Variants in EYS observed in about 807,000 individuals in gnomAD.
EYS encodes EGF-like photoreceptor maintenance factor.
In EYS, 250 loss-of-function variants were observed where a neutral mutation model predicts 282.1. That is an observed-to-expected ratio of 0.89 (90% confidence interval 0.80 to 0.98). The LOEUF (loss-of-function observed/expected upper bound fraction) is 0.98, where lower values mean the gene tolerates loss of function less well. Ranked by LOEUF, EYS falls within the 50% of genes least tolerant of loss-of-function variation. The probability of loss-of-function intolerance (pLI) is 0.00; values close to 1 mark genes in which losing one functional copy is unlikely to be tolerated. For synonymous variants in EYS, 1,355 were observed against 1,282.9 expected, an observed-to-expected ratio of 1.06 and a Z score of -1.20; for missense variants, 4,016 against 3,709.0, an observed-to-expected ratio of 1.08 and a Z score of -2.15.
chr6:65,010,472 G>C (rs901565571), intron 13 of EYS, among the ~76,000 whole-genome samples: 1 of 152,208 alleles, frequency 6.6e-6, no homozygotes, highest in East Asian at 1.9e-4. Context: ...AGACAATGAA[G>C]AAAAGATAGA....
At chr6:65,519,304 G>C (rs542210780) in intron 2 of EYS, among the ~76,000 whole-genome samples, 1 of 151,972 alleles carries the variant, frequency 6.6e-6, no homozygotes, top group Admixed American at 6.6e-5. Flanking sequence ...GTGTGTGTGT[G>C]TGTGGCGGTG....
intron 9 of EYS, among the ~76,000 whole-genome samples, chr6:65,350,439 A>G (rs1489949042): frequency 1.3e-5 from 2 of 151,700 alleles, no homozygotes; most frequent in South Asian, 2.1e-4. Context: ...TTTGTTTGCA[A>G]TATCAACTCA....
chr6:64,262,188 T>A (rs995484339), intron 30 of EYS, among the ~76,000 whole-genome samples: 2 of 152,084 alleles, frequency 1.3e-5, no homozygotes, highest in African/African-American at 2.4e-5. Context: ...CATATAACAC[T>A]TCTTCCTTTA....
intron 22 of EYS, among the ~76,000 whole-genome samples, chr6:64,680,517 C>G (rs888008580): frequency 2.0e-5 from 3 of 152,184 alleles, no homozygotes; most frequent in Non-Finnish European, 2.9e-5. Flanking sequence ...AGCTAACTCT[C>G]TTCTCAACTC....
intron 2 of EYS, among the ~76,000 whole-genome samples, chr6:65,630,686 C>T (rs10944828): frequency 0.36 from 54,118 of 152,090 alleles, 12,021 homozygotes; most frequent in Non-Finnish European, 0.49. Flanking sequence ...AAGCACATCA[C>T]AGTGTCATTG....
intron 31 of EYS, among the ~76,000 whole-genome samples, chr6:64,211,989 G>A (rs1765794826): frequency 6.6e-6 from 1 of 151,942 alleles, no homozygotes; most frequent in African/African-American, 2.4e-5. Flanking sequence ...GGTGGCATGT[G>A]CCTGTAATCC....
Position 64,535,924 on chromosome 6 carries a change from T to C in EYS, c.5644+54299A>G, listed in dbSNP as rs558719140. On this transcript the variant is annotated intron_variant, in intron 26 of 42. Coordinates refer to ENST00000503581, the MANE Select transcript of EYS (RefSeq NM_001142800.2). Reference sequence around the variant, plus strand: ...TTGATATAAAATATCATCTTAACCTTAGATTAAGACTTGCATTATTATATT... The same window carrying C: ...TTGATATAAAATATCATCTTAACCTCAGATTAAGACTTGCATTATTATATT... Among the ~76,000 whole-genome samples the C allele has an allele frequency of 2.6e-5, 4 of 152,272 alleles. No individual in the cohort carries two copies. In the East Asian group the frequency reaches 7.7e-4, roughly 29 times the overall value.
At chr6:63,761,144 G>T (rs1314393515) in intron 41 of EYS, among the ~76,000 whole-genome samples, 1 of 151,582 alleles carries the variant, frequency 6.6e-6, no homozygotes, top group Non-Finnish European at 1.5e-5. Flanking sequence ...ATCAGGAAAG[G>T]CTTCCCTAAA....
intron 5 of EYS, among the ~76,000 whole-genome samples, chr6:65,473,951 T>G (rs1765308728): frequency 6.6e-6 from 1 of 151,994 alleles, no homozygotes; most frequent in Non-Finnish European, 1.5e-5. Context: ...CTTGGGACTT[T>G]TGTGGATGAG....
At chr6:64,079,518 C>T (rs75801437) in intron 32 of EYS, among the ~76,000 whole-genome samples, 8,262 of 152,002 alleles carry the variant, frequency 0.054, 265 homozygotes, top group African/African-American at 0.087. Flanking sequence ...AGGAGCAAAT[C>T]GTTTGGGAAA....
chr6:65,089,646 T>C (rs138647626), intron 12 of EYS, among the ~76,000 whole-genome samples: 1 of 152,004 alleles, frequency 6.6e-6, no homozygotes, highest in East Asian at 1.9e-4. Flanking sequence ...GAGTTAATGC[T>C]GCAATGAGCT....
At chr6:64,397,294 G>A (rs541912633) in intron 28 of EYS, among the ~76,000 whole-genome samples, 7 of 151,870 alleles carry the variant, frequency 4.6e-5, no homozygotes, top group Non-Finnish European at 1.5e-5. Context: ...ATTTCAATCC[G>A]TGTACTGCTC....
chr6:64,275,798 AT>A (rs201281555), intron 30 of EYS, among the ~76,000 whole-genome samples: 57 of 77,482 alleles, frequency 7.4e-4, no homozygotes, highest in South Asian at 1.9e-3. Flanking sequence ...TACTAAAAAA[AT>A]AAAATAAAAT....
At chr6:65,175,908 G>A (rs1032979772) in intron 12 of EYS, among the ~76,000 whole-genome samples, 4 of 151,472 alleles carry the variant, frequency 2.6e-5, no homozygotes, top group Non-Finnish European at 5.9e-5. Context: ...AAATGCCAAT[G>A]AGATGTTTAT....
chr6:64,212,923 G>A (rs1290042301), intron 31 of EYS, among the ~76,000 whole-genome samples: 1 of 152,134 alleles, frequency 6.6e-6, no homozygotes. Flanking sequence ...GAAATACTAT[G>A]TAGCCATAAA....
intron 29 of EYS, among the ~76,000 whole-genome samples, chr6:64,366,957 T>C (rs1011064004): frequency 6.6e-6 from 1 of 152,052 alleles, no homozygotes; most frequent in African/African-American, 2.4e-5. Flanking sequence ...TAGTGCAATA[T>C]AAAGGAGCTT....
chr6:64,837,398 C>T (rs1029891548), intron 19 of EYS, among the ~76,000 whole-genome samples: 1 of 151,200 alleles, frequency 6.6e-6, no homozygotes, highest in Non-Finnish European at 1.5e-5. Context: ...AAATTGAAAT[C>T]TTTTCCCCTA....
chr6:64,720,790 T>A (rs1376799103), intron 22 of EYS, among the ~76,000 whole-genome samples: 1 of 152,232 alleles, frequency 6.6e-6, no homozygotes, highest in Non-Finnish European at 1.5e-5. Context: ...TTTCTCTTTA[T>A]CAATCTATCC....
At chr6:65,480,092 G>A (rs1765553852) in intron 5 of EYS, among the ~76,000 whole-genome samples, 2 of 152,058 alleles carry the variant, frequency 1.3e-5, no homozygotes, top group South Asian at 4.1e-4. Flanking sequence ...TTGAACCCAG[G>A]AGGCACAGGT....
Sources: allele counts gnomAD v4.1 joint callset (sites outside exome capture counted in the v4.1 genomes callset), GRCh38; gene constraint gnomAD v4.1.1; transcripts MANE v1.5; gene names NCBI Gene and HGNC (gene_info 2026-07-23, HGNC 2026-07-21).